The following DMTF1 variants were observed in gnomAD, a reference collection of about 807,000 sequenced individuals.
The protein encoded by DMTF1 is cyclin D binding myb like transcription factor 1, also known as cyclin-D-binding Myb-like transcription factor 1.
A neutral mutation model predicts 91.1 loss-of-function variants in DMTF1; 39 were observed. The ratio of observed to expected loss-of-function variants is 0.43; its 90% CI spans 0.33 to 0.56. The LOEUF (loss-of-function observed/expected upper bound fraction) is 0.56. Ranked by LOEUF, DMTF1 falls within the 20% of genes least tolerant of loss-of-function variation. DMTF1 has a pLI of 0.05. For synonymous variants in DMTF1, 338 were observed against 309.5 expected, an observed-to-expected ratio of 1.09 and a Z score of -0.97; for missense variants, 750 against 914.5, an observed-to-expected ratio of 0.82 and a Z score of 2.32.
chr7:87,165,659 A>C (rs1036936605), intron 3 of DMTF1, among the ~76,000 whole-genome samples: 2 of 152,202 alleles, frequency 1.3e-5, no homozygotes, highest in African/African-American at 4.8e-5. Context: ...TTTATACAGA[A>C]TTCTCTGTGC....
chr7:87,193,251 C>T lies in DMTF1; in HGVS notation c.1548C>T (p.Ser516=). The T allele has an allele frequency of 6.2e-7, 1 of 1,613,508 alleles. No individual in the cohort carries two copies. Among genetic ancestry groups the T allele is most frequent in the Non-Finnish European group, 8.5e-7 (1 of 1,179,586 alleles). ...GTPGTYLLQT[S]SSQGLPLTLT... ...CAGGCACCTACCTACTTCAAACAAG[C>T]TCAAGCCAAGGCCTTCCCCTAACTC... Residue 516 remains serine (S), a synonymous_variant, in exon 15 of 18, where the codon AGC becomes AGT. Coordinates refer to ENST00000331242, the MANE Select transcript of DMTF1 (RefSeq NM_001142327.2).
chr7:87,195,175 A>C lies in DMTF1; in HGVS notation c.*35A>C, dbSNP rs1801005421. The stretch of plus-strand genomic sequence containing the variant: ...TAGAAATAGGCAGTTCAAGCAAAGA[A>C]GGCACACTGTTAATTACAACCTCTT... On this transcript the variant is annotated 3_prime_UTR_variant, in exon 18 of 18. Coordinates refer to ENST00000331242, the MANE Select transcript of DMTF1 (RefSeq NM_001142327.2). 4.1e-6 allele frequency: 6 copies of C among 1,446,178 alleles called. No individual in the cohort carries two copies. The highest frequency in any genetic ancestry group is 2.3e-5 in the East Asian group (1 of 43,918). The allele number at this position is 1,446,178 out of a possible 1,614,324, so 89.6% of individuals were successfully genotyped here. A position where few individuals can be genotyped will look rare whatever the true frequency, so the allele number is the denominator to read the frequency against.
chr7:87,172,650 C>T (rs890516370), intron 5 of DMTF1, among the ~76,000 whole-genome samples: 2 of 152,046 alleles, frequency 1.3e-5, no homozygotes, highest in Admixed American at 1.3e-4. Flanking sequence ...TTTTTTAGCC[C>T]AGAGACTGAA....
intron 3 of DMTF1, among the ~76,000 whole-genome samples, chr7:87,165,637 T>C (rs1244808770): frequency 6.6e-6 from 1 of 152,248 alleles, no homozygotes. Flanking sequence ...TAAAGATGAC[T>C]CAGAATCTGT....
chr7:87,190,722 G>C (rs1011028685), intron 13 of DMTF1, among the ~76,000 whole-genome samples: 2 of 152,006 alleles, frequency 1.3e-5, no homozygotes, highest in Non-Finnish European at 2.9e-5. Context: ...CAATGGGCTG[G>C]ATTTGTGGGC....
chr7:87,183,786 T>A (rs1366478250), intron 10 of DMTF1, among the ~76,000 whole-genome samples: 1 of 152,214 alleles, frequency 6.6e-6, no homozygotes, highest in African/African-American at 2.4e-5. Context: ...GGGTTATCTA[T>A]TAGTGGGTTT....
chr7:87,159,720 G>A (rs1347832784), intron 1 of DMTF1, among the ~76,000 whole-genome samples: 3 of 152,236 alleles, frequency 2.0e-5, no homozygotes, highest in Non-Finnish European at 2.9e-5. Context: ...CTTAATGACA[G>A]AGTTCTGAGA....
chr7:87,194,498 T>TAA lies in DMTF1; in HGVS notation c.2029-186_2029-185insAA. On this transcript the variant is annotated intron_variant, in intron 16 of 17. Coordinates refer to ENST00000331242, the MANE Select transcript of DMTF1 (RefSeq NM_001142327.2). ...TATAACTGACCTAGTCCTTATGAGT[T>TAA]CCTTTTGTTAAAAGTATGTTAGATT... The TAA allele has an allele frequency of 6.1e-6, 3 of 495,066 alleles. 1 individual carries two copies. The South Asian group carries it at 9.4e-5, about 16-fold the overall frequency. The allele number at this position is 495,066 out of a possible 1,614,324, so 30.7% of individuals were successfully genotyped here. A position where few individuals can be genotyped will look rare whatever the true frequency, so the allele number is the denominator to read the frequency against.
chr7:87,179,290 T>C (rs1796872642), intron 7 of DMTF1, among the ~76,000 whole-genome samples: 1 of 152,132 alleles, frequency 6.6e-6, no homozygotes, highest in South Asian at 2.1e-4. Flanking sequence ...ATTTTTAACT[T>C]TTTATAATTT....
chr7:87,183,914 T>TA (rs1797896735), intron 10 of DMTF1, among the ~76,000 whole-genome samples: 1 of 152,224 alleles, frequency 6.6e-6, no homozygotes, highest in African/African-American at 2.4e-5. Context: ...ACCTAGTTTT[T>TA]ACTAAAATAG....
intron 1 of DMTF1, among the ~76,000 whole-genome samples, chr7:87,159,572 A>C (rs1791695955): frequency 6.6e-6 from 1 of 152,190 alleles, no homozygotes; most frequent in Non-Finnish European, 1.5e-5. Flanking sequence ...ACATGCAAAA[A>C]TGCCACTTCA....
rs760968422 is a variant in DMTF1, at chr7:87,171,014, C to T, written c.252C>T (p.Ser84=). The T allele has an allele frequency of 4.3e-6, 7 of 1,611,362 alleles. No individual in the cohort carries two copies. In the East Asian group the frequency reaches 1.6e-4, roughly 36 times the overall value. ...VALPLSENDQ[S]FEVTMTATTE... ...TTGAAGTTTCAGAAAATGATCAGAG[C>T]TTTGAAGTGACCATGACTGCAACCA... Residue 84 remains serine, a synonymous_variant, in exon 5 of 18, where the codon AGC becomes AGT. Coordinates refer to ENST00000331242, the MANE Select transcript of DMTF1 (RefSeq NM_001142327.2).
intron 14 of DMTF1, among the ~76,000 whole-genome samples, chr7:87,191,717 A>G (rs1799813959): frequency 6.6e-6 from 1 of 152,126 alleles, no homozygotes; most frequent in Admixed American, 6.6e-5. Context: ...ATTTATTTGA[A>G]ATGTCCAAAA....
chr7:87,172,284 C>A (rs1308724454), intron 5 of DMTF1, among the ~76,000 whole-genome samples: 1 of 152,060 alleles, frequency 6.6e-6, no homozygotes, highest in Non-Finnish European at 1.5e-5. Flanking sequence ...TTTAAAAAAT[C>A]AAAAAGTATG....
In DMTF1 at chr7:87,192,883, G is replaced by A. The variant is rs113329053; in HGVS notation, c.1495-315G>A. ...AAACTGGGGGCCTGCCAGTTTTTAC[G>A]TGCTACAAAGAAAGAAAAAGAGGGG... On this transcript the variant is annotated intron_variant, in intron 14 of 17. Transcript: ENST00000331242. 8.3e-3 allele frequency: 1,754 copies of A among 211,046 alleles called. 31 individuals are homozygous for A. The highest frequency in any genetic ancestry group is 0.037 in the African/African-American group (1,635 of 43,688). 13.1% of individuals were successfully genotyped at this position (211,046 alleles called of 1,614,324 possible). A position where few individuals can be genotyped will look rare whatever the true frequency, so the allele number is the denominator to read the frequency against.
chr7:87,184,836 G>C, intron 11 of DMTF1: 1 of 662,802 alleles, frequency 1.5e-6, no homozygotes, highest in East Asian at 2.9e-5. Context: ...TAGTGCTCAT[G>C]CAAAGTACCA....
chr7:87,172,488 T>A (rs1388960443), intron 5 of DMTF1, among the ~76,000 whole-genome samples: 2 of 152,238 alleles, frequency 1.3e-5, no homozygotes, highest in African/African-American at 4.8e-5. Context: ...ACAGCTTACC[T>A]CTTTCCAAGA....
At chr7:87,188,065 T>A (rs768959921) in intron 12 of DMTF1, 27 bp from the exon 13 acceptor site, 2 of 1,591,122 alleles carry the variant, frequency 1.3e-6, no homozygotes, top group Non-Finnish European at 1.7e-6. Context: ...GAATCAATGT[T>A]CTTTTTGTCT....
chr7:87,181,871 A>C (rs1476297821), intron 9 of DMTF1: 3 of 469,940 alleles, frequency 6.4e-6, no homozygotes, highest in Non-Finnish European at 1.1e-5. Context: ...GACCTGTGAA[A>C]CTTTAGATGT....
Sources: allele counts gnomAD v4.1 joint callset (sites outside exome capture counted in the v4.1 genomes callset), GRCh38; gene constraint gnomAD v4.1.1; transcripts MANE v1.5; gene names NCBI Gene and HGNC (gene_info 2026-07-23, HGNC 2026-07-21).